MYO10: variants seen among roughly 807,000 people sequenced by gnomAD.
The protein encoded by MYO10 is myosin X.
MYO10 carries 133 observed loss-of-function variants against 257.3 expected under a neutral mutation model. The ratio of observed to expected loss-of-function variants is 0.52; its 90% CI spans 0.45 to 0.60. MYO10 has a LOEUF of 0.60. Among genes scored for constraint, MYO10 ranks in the 20% least tolerant of loss-of-function variants. The pLI is 0.00. For synonymous variants in MYO10, 1,104 were observed against 1,028.6 expected, an observed-to-expected ratio of 1.07 and a Z score of -1.40; for missense variants, 2,399 against 2,635.7, an observed-to-expected ratio of 0.91 and a Z score of 1.97.
intron 19 of MYO10, among the ~76,000 whole-genome samples, chr5:16,747,851 G>A (rs1740244098): frequency 3.4e-5 from 5 of 147,718 alleles, no homozygotes; most frequent in South Asian, 2.1e-4. Flanking sequence ...CCCTGGAGGC[G>A]GAGCTTGCAG....
Position 16,936,132 on chromosome 5 carries a change from C to T in MYO10, c.-324G>A, listed in dbSNP as rs1047822066. On this transcript the variant is annotated 5_prime_UTR_variant, in exon 1 of 41. Transcript: ENST00000513610. ...GCGGGGGAAGGCGGCGGGGTGCTGG[C>T]GAGCGCGGCCCCCTCCCTCTGCGCT... 3 of 380,708 alleles carry T rather than the reference C, an allele frequency of 7.9e-6. No homozygotes were observed. The highest frequency in any genetic ancestry group is 3.2e-5 in the South Asian group (1 of 31,156). 23.6% of individuals were successfully genotyped at this position (380,708 alleles called of 1,614,324 possible). A position where few individuals can be genotyped will look rare whatever the true frequency, so the allele number is the denominator to read the frequency against.
Position 16,766,669 on chromosome 5 carries a change from G to A in MYO10, c.1061-471C>T, listed in dbSNP as rs111867290. ...ATGGTCTCAATCTGTTGACCTCCAC[G>A]TTGGCCAGGACGGTCTTGATCTCTT... On this transcript the variant is annotated intron_variant, in intron 10 of 40. Transcript: ENST00000513610. Among the ~76,000 whole-genome samples, 13 of 152,060 alleles carry A rather than the reference G, an allele frequency of 8.5e-5. 1 individual carries two copies. The highest frequency in any genetic ancestry group is 3.4e-3 in the Middle Eastern group (1 of 294).
At chr5:16,764,178 A>C in intron 12 of MYO10, 72 bp downstream of exon 12, 1 of 1,517,596 alleles carries the variant, frequency 6.6e-7, no homozygotes. Flanking sequence ...GAGTTTGCTC[A>C]CAGAGATTTG....
chr5:16,886,760 C>T (rs1290884743), intron 1 of MYO10, among the ~76,000 whole-genome samples: 1 of 151,782 alleles, frequency 6.6e-6, no homozygotes, highest in Non-Finnish European at 1.5e-5. Flanking sequence ...GGTGAAACCC[C>T]GCCTCTACTA....
chr5:16,715,705 T>C (rs895297032), intron 19 of MYO10, among the ~76,000 whole-genome samples: 3 of 152,100 alleles, frequency 2.0e-5, no homozygotes, highest in African/African-American at 7.2e-5. Flanking sequence ...AGATTTTAAA[T>C]AAGGCAATTA....
intron 3 of MYO10, among the ~76,000 whole-genome samples, chr5:16,796,239 G>T (rs574582432): frequency 1.0e-5 from 1 of 96,614 alleles, no homozygotes; most frequent in Non-Finnish European, 2.2e-5. Context: ...GAGAAAGAGC[G>T]AGCGTGCGAG....
intron 2 of MYO10, among the ~76,000 whole-genome samples, chr5:16,832,022 G>A (rs556785083): frequency 2.6e-5 from 4 of 151,988 alleles, no homozygotes; most frequent in East Asian, 1.9e-4. Context: ...AGCTCACCGC[G>A]GCCTCCACCT....
chr5:16,770,779 T>C (rs1450552031), intron 9 of MYO10, among the ~76,000 whole-genome samples: 1 of 152,256 alleles, frequency 6.6e-6, no homozygotes, highest in Non-Finnish European at 1.5e-5. Context: ...TTTTTTTGTT[T>C]TCTTTCTGAG....
chr5:16,817,316 G>A (rs1393902185), intron 3 of MYO10, among the ~76,000 whole-genome samples: 1 of 152,124 alleles, frequency 6.6e-6, no homozygotes, highest in Admixed American at 6.5e-5. Context: ...CTTGCAAACA[G>A]GCAGATGGAA....
chr5:16,926,140 C>T (rs1339015906), intron 1 of MYO10, among the ~76,000 whole-genome samples: 7 of 152,102 alleles, frequency 4.6e-5, no homozygotes, highest in Non-Finnish European at 1.0e-4. Context: ...ACCTGGAAAA[C>T]GTAAATCTAA....
At chr5:16,668,881 C>T (rs779877928) in intron 39 of MYO10, among the ~76,000 whole-genome samples, 8 of 152,130 alleles carry the variant, frequency 5.3e-5, no homozygotes, top group African/African-American at 9.7e-5. Flanking sequence ...ATCCTCTTTG[C>T]GGATGGTTAG....
intron 2 of MYO10, among the ~76,000 whole-genome samples, chr5:16,845,731 C>T (rs1226039052): frequency 2.0e-5 from 3 of 151,966 alleles, no homozygotes; most frequent in Admixed American, 6.6e-5. Flanking sequence ...TTTGGGAGGC[C>T]GAGGCGGGTG....
intron 19 of MYO10, among the ~76,000 whole-genome samples, chr5:16,734,631 C>T (rs896824111): frequency 2.0e-5 from 3 of 152,152 alleles, no homozygotes; most frequent in Middle Eastern, 6.8e-3. Context: ...ATGGTGAAAC[C>T]CCGTCTCTAC....
At chr5:16,748,810 C>T (rs1248476236) in intron 19 of MYO10, among the ~76,000 whole-genome samples, 1 of 152,152 alleles carries the variant, frequency 6.6e-6, no homozygotes, top group Non-Finnish European at 1.5e-5. Flanking sequence ...CATGAGTTGT[C>T]TAGGATGTTG....
chr5:16,741,441 A>G (rs1489594750), intron 19 of MYO10, among the ~76,000 whole-genome samples: 1 of 152,242 alleles, frequency 6.6e-6, no homozygotes, highest in Non-Finnish European at 1.5e-5. Context: ...ACTGCAGTGT[A>G]TAAACTCTTA....
chr5:16,695,253 G>C (rs1341754421), intron 26 of MYO10, among the ~76,000 whole-genome samples: 2 of 152,190 alleles, frequency 1.3e-5, no homozygotes, highest in Non-Finnish European at 2.9e-5. Flanking sequence ...ACAATCGCTT[G>C]AATCCGGGAG....
chr5:16,673,343 CA>C (rs1736561447), intron 36 of MYO10, among the ~76,000 whole-genome samples: 1 of 144,122 alleles, frequency 6.9e-6, no homozygotes, highest in Non-Finnish European at 1.5e-5. Context: ...TAGTCACGTG[CA>C]AACAAACACT....
At chr5:16,896,928 A>AAAGGAAGG (rs1417662379) in intron 1 of MYO10, among the ~76,000 whole-genome samples, 3 of 152,000 alleles carry the variant, frequency 2.0e-5, no homozygotes, top group Admixed American at 1.3e-4. Context: ...AGCTCCGAAC[A>AAAGGAAGG]AAGGAAGGAA....
In MYO10 at chr5:16,763,656, G is replaced by A. The variant is rs745585076; in HGVS notation, c.1426C>T (p.Arg476Trp). 10 of 1,600,890 alleles carry A rather than the reference G, an allele frequency of 6.2e-6. No homozygotes were observed. Among genetic ancestry groups the A allele is most frequent in the South Asian group, 1.1e-5 (1 of 90,488 alleles). ...IFSLEQLEYS[R>W]EGLVWEDIDW... ...AAATGGAATTCTATGAGTGCTTACCGGCTATATTCTAGTTGTTCTAAAGAA... is the reference window on the plus strand; with the variant it reads ...AAATGGAATTCTATGAGTGCTTACCAGCTATATTCTAGTTGTTCTAAAGAA... The change falls in exon 13 of 41, where the codon CGG (arginine) becomes TGG (tryptophan). Residue 476 changes from arginine to tryptophan, a missense_variant and splice_region_variant. This residue lies in a region of MYO10 where 337 missense variants were observed against 446.8 expected (regional missense o/e 0.75). Transcript: ENST00000513610.
Sources: allele counts gnomAD v4.1 joint callset (sites outside exome capture counted in the v4.1 genomes callset), GRCh38; gene constraint gnomAD v4.1.1; regional missense constraint gnomAD v4.1.1; transcripts MANE v1.5; gene names NCBI Gene and HGNC (gene_info 2026-07-23, HGNC 2026-07-21).